The following NOX3 variants were observed in gnomAD, a reference collection of about 807,000 sequenced individuals.
NOX3 encodes NADPH oxidase 3, also known as NADPH oxidase catalytic subunit-like 3.
A neutral mutation model predicts 76.7 loss-of-function variants in NOX3; 74 were observed. The observed-to-expected ratio is 0.96, with a 90% confidence interval of 0.80 to 1.17. NOX3 has a LOEUF of 1.17. Ranked by LOEUF, NOX3 falls within the 50% of genes most tolerant of loss-of-function variation. The probability of loss-of-function intolerance (pLI) is 0.00; values close to 1 mark genes in which losing one functional copy is unlikely to be tolerated. For missense variants in NOX3, 695 were observed against 703.3 expected, an observed-to-expected ratio of 0.99 and a Z score of 0.13; for synonymous variants, 263 against 261.1, an observed-to-expected ratio of 1.01 and a Z score of -0.07.
rs199928709 is a variant in NOX3, at chr6:155,429,002, G to A, written c.937C>T (p.Arg313Cys). Reference protein sequence around the residue: ...SGVLELHMKKRGFKMAPGQYI... With the variant: ...SGVLELHMKKCGFKMAPGQYI... Reference sequence around the variant, plus strand: ...TGCCCTGGCGCCATTTTAAAGCCACGCTTTTTCATGTGAAGTTCCAGGACT... The same window carrying A: ...TGCCCTGGCGCCATTTTAAAGCCACACTTTTTCATGTGAAGTTCCAGGACT... The change falls in exon 9 of 14, where the codon CGT becomes TGT. Residue 313 changes from arginine to cysteine, a missense_variant. Physicochemically the swap from Arg to Cys is radical, Grantham distance 180. Coordinates refer to ENST00000159060, the MANE Select transcript of NOX3 (RefSeq NM_015718.3). 11 of 1,610,996 alleles carry A rather than the reference G, an allele frequency of 6.8e-6. No homozygotes were observed. The highest frequency in any genetic ancestry group is 6.7e-5 in the East Asian group (3 of 44,754).
intron 12 of NOX3, among the ~76,000 whole-genome samples, chr6:155,402,762 C>G (rs1489984731): frequency 6.6e-6 from 1 of 152,172 alleles, no homozygotes; most frequent in African/African-American, 2.4e-5. Context: ...TTTGAGTGAA[C>G]AGGTAAATAT....
Position 155,407,265 on chromosome 6 carries a change from T to C in NOX3, c.1456-11A>G. On this transcript the variant is annotated splice_polypyrimidine_tract_variant and intron_variant, in intron 11 of 13. Transcript: ENST00000159060. Reference sequence around the variant, plus strand: ...AGCTATGTGAAGAGCCTAAAGTAAATTTGTGGCATTAGATGACATTTAGAA... The same window carrying C: ...AGCTATGTGAAGAGCCTAAAGTAAACTTGTGGCATTAGATGACATTTAGAA... 6.2e-7 allele frequency: 1 copy of C among 1,607,288 alleles called. No individual in the cohort carries two copies. The highest frequency in any genetic ancestry group is 8.5e-7 in the Non-Finnish European group (1 of 1,176,614).
rs1779146726 is a variant in NOX3 at position 155,396,917 on chromosome 6, C to G, written c.1626G>C (p.Arg542Ser). 6.2e-7 allele frequency: 1 copy of G among 1,613,378 alleles called. No homozygotes were observed. Among genetic ancestry groups the G allele is most frequent in the African/African-American group, 1.3e-5 (1 of 74,970 alleles). ...VFFCGPKALS[R>S]TLQKMCHLYS... ...ACAAGTGGCACATCTTTTGAAGTGT[C>G]CTCGAGAGAGCTTTAGGTCCACAGA... The change falls in exon 13 of 14, where the codon AGG (arginine) becomes AGC (serine). Residue 542 changes from arginine (R) to serine (S), a missense_variant. Transcript: ENST00000159060.
intron 7 of NOX3, among the ~76,000 whole-genome samples, chr6:155,434,231 C>T (rs554810230): frequency 6.6e-6 from 1 of 152,216 alleles, no homozygotes; most frequent in Non-Finnish European, 1.5e-5. Flanking sequence ...TCCATCAGGG[C>T]TTTCTCCTTT....
intron 9 of NOX3, among the ~76,000 whole-genome samples, chr6:155,426,744 A>T (rs947376792): frequency 5.3e-5 from 8 of 152,126 alleles, no homozygotes; most frequent in Non-Finnish European, 1.0e-4. Context: ...TCCTGTTGGA[A>T]CTTGCAGCTG....
intron 12 of NOX3, among the ~76,000 whole-genome samples, chr6:155,405,791 G>T (rs923186659): frequency 5.3e-5 from 8 of 152,180 alleles, no homozygotes; most frequent in Admixed American, 5.2e-4. Flanking sequence ...AATCCAAACT[G>T]CCACCACTGC....
At chr6:155,405,289 G>A (rs142448324) in intron 12 of NOX3, among the ~76,000 whole-genome samples, 1 of 152,166 alleles carries the variant, frequency 6.6e-6, no homozygotes, top group Non-Finnish European at 1.5e-5. Context: ...TGGAAAGAAG[G>A]TCAGGGTATA....
At chr6:155,445,375 G>C (rs569320363) in intron 4 of NOX3, among the ~76,000 whole-genome samples, 22 of 152,282 alleles carry the variant, frequency 1.4e-4, no homozygotes, top group African/African-American at 4.3e-4. Context: ...TTGAGGTGTG[G>C]AAGAAGATGT....
intron 12 of NOX3, among the ~76,000 whole-genome samples, chr6:155,398,441 GC>G (rs1275840597): frequency 2.0e-5 from 3 of 152,146 alleles, no homozygotes; most frequent in Admixed American, 2.0e-4. Flanking sequence ...ATGGTTCTCT[GC>G]CATGTGTCAT....
intron 9 of NOX3, among the ~76,000 whole-genome samples, chr6:155,427,636 T>C (rs1776774630): frequency 6.6e-6 from 1 of 152,222 alleles, no homozygotes; most frequent in South Asian, 2.1e-4. Flanking sequence ...TAGTTCCTGA[T>C]ACCCTCCAAG....
intron 11 of NOX3, among the ~76,000 whole-genome samples, chr6:155,410,555 G>A (rs1215662624): frequency 6.6e-6 from 1 of 152,064 alleles, no homozygotes; most frequent in African/African-American, 2.4e-5. Context: ...TATCAACATT[G>A]AAATACTACC....
intron 10 of NOX3, among the ~76,000 whole-genome samples, chr6:155,420,716 A>G (rs1483519074): frequency 6.6e-6 from 1 of 152,224 alleles, no homozygotes; most frequent in East Asian, 1.9e-4. Context: ...AAATGGGAAT[A>G]AAAATGATAA....
At chr6:155,410,688 C>G (rs79639872) in intron 11 of NOX3, among the ~76,000 whole-genome samples, 2,141 of 152,270 alleles carry the variant, frequency 0.014, 59 homozygotes, top group African/African-American at 0.048. Context: ...AATAAACATA[C>G]GTGCACACAA....
chr6:155,410,318 T>TGTGTGTGTGC (rs1268997763), intron 11 of NOX3, among the ~76,000 whole-genome samples: 5 of 151,402 alleles, frequency 3.3e-5, no homozygotes, highest in African/African-American at 9.8e-5. Flanking sequence ...TGTGTGTGTG[T>TGTGTGTGTGC]GCGCACGCAT....
Position 155,446,536 on chromosome 6 carries a change from C to T in NOX3, c.341-3118G>A, listed in dbSNP as rs111465619. Among the ~76,000 whole-genome samples the T allele has an allele frequency of 8.4e-4, 128 of 152,280 alleles. 1 individual carries two copies. Among genetic ancestry groups the T allele is most frequent in the African/African-American group, 2.6e-3 (110 of 41,560 alleles). On this transcript the variant is annotated intron_variant, in intron 4 of 13. Coordinates refer to ENST00000159060, the MANE Select transcript of NOX3 (RefSeq NM_015718.3). ...AGTATTCAAAGAGTTAAGGAATTTG[C>T]TGTTGATTCGTGATGAAAGTGGTTT...
In NOX3 at chr6:155,426,257, G is replaced by A. The variant is rs569419531; in HGVS notation, c.1145+2537C>T. 5.7e-4 allele frequency among the ~76,000 whole-genome samples: 87 copies of A among 152,196 alleles called. 1 individual carries two copies. Among genetic ancestry groups the A allele is most frequent in the Non-Finnish European group, 9.6e-4 (65 of 68,000 alleles). ...CTGTTTATGACAACTCATTTTTATC[G>A]AGCCCATAATGACTTACTGAGTGAC... On this transcript the variant is annotated intron_variant, in intron 9 of 13. Transcript: ENST00000159060.
At chr6:155,401,342 A>G (rs1034502204) in intron 12 of NOX3, among the ~76,000 whole-genome samples, 1 of 152,142 alleles carries the variant, frequency 6.6e-6, no homozygotes, top group African/African-American at 2.4e-5. Context: ...TATTTTTCCC[A>G]TGAAGCTGTA....
In NOX3 at chr6:155,431,254, A is replaced by G. The variant is rs566140061; in HGVS notation, c.799-319T>C. Among the ~76,000 whole-genome samples the G allele has an allele frequency of 4.6e-5, 7 of 152,330 alleles. No individual in the cohort carries two copies. The East Asian group carries it at 1.4e-3, about 29-fold the overall frequency. On this transcript the variant is annotated intron_variant, in intron 7 of 13. Transcript: ENST00000159060. ...AAAAGCAGATTGATGTTTATATTAC[A>G]TATGATAGGGTCGTAAATGCTCCCA...
chr6:155,443,305 T>G lies in NOX3; in HGVS notation c.454A>C (p.Ser152Arg). 6.2e-7 allele frequency: 1 copy of G among 1,613,986 alleles called. No individual in the cohort carries two copies. Among genetic ancestry groups the G allele is most frequent in the Non-Finnish European group, 8.5e-7 (1 of 1,179,944 alleles). The change falls in exon 5 of 14, where the codon AGC becomes CGC. Residue 152 changes from serine (S) to arginine (R), a missense_variant. Ser to Arg is a moderately radical substitution (Grantham distance 110). Transcript: ENST00000159060. The part of the protein sequence containing the change: ...LSKLGNTPNE[S>R]YLNPVRTFPT... ...AAGGTCCGGACAGGGTTGAGGTAGC[T>G]CTCGTTAGGGGTGTTGCCCAGCTTG... is the stretch of plus-strand genomic sequence containing the variant.
Sources: allele counts gnomAD v4.1 joint callset (sites outside exome capture counted in the v4.1 genomes callset), GRCh38; gene constraint gnomAD v4.1.1; transcripts MANE v1.5; gene names NCBI Gene and HGNC (gene_info 2026-07-23, HGNC 2026-07-21).